MCU: variants seen among roughly 807,000 people sequenced by gnomAD.
MCU encodes mitochondrial calcium uniporter.
In MCU, 12 loss-of-function variants were observed where a neutral mutation model predicts 45.2. The ratio of observed to expected loss-of-function variants is 0.27; its 90% CI spans 0.17 to 0.43. The LOEUF (loss-of-function observed/expected upper bound fraction) is 0.43. Among genes scored for constraint, MCU ranks in the 20% least tolerant of loss-of-function variants. The pLI, the probability that MCU is intolerant of heterozygous loss-of-function variation, is 1.00. For synonymous variants in MCU, 160 were observed against 165.1 expected, an observed-to-expected ratio of 0.97 and a Z score of 0.24; for missense variants, 324 against 436.7, an observed-to-expected ratio of 0.74 and a Z score of 2.30.
intron 1 of MCU, among the ~76,000 whole-genome samples, chr10:72,749,809 C>T (rs902098471): frequency 6.6e-6 from 1 of 152,098 alleles, no homozygotes; most frequent in Non-Finnish European, 1.5e-5. Flanking sequence ...CTCTGTTGCC[C>T]AGGCTGGAGT....
intron 4 of MCU, among the ~76,000 whole-genome samples, chr10:72,866,553 C>T (rs551856762): frequency 2.0e-5 from 3 of 152,182 alleles, no homozygotes; most frequent in South Asian, 2.1e-4. Context: ...TGCACCACCA[C>T]GCCCAGCTAA....
intron 2 of MCU, among the ~76,000 whole-genome samples, chr10:72,839,332 T>C (rs1396902471): frequency 1.3e-5 from 2 of 152,084 alleles, no homozygotes; most frequent in African/African-American, 4.8e-5. Context: ...TGTCAGTTGA[T>C]AGGGTAGCAA....
intron 1 of MCU, among the ~76,000 whole-genome samples, chr10:72,776,939 G>T (rs1051246810): frequency 1.3e-5 from 2 of 152,026 alleles, no homozygotes; most frequent in African/African-American, 4.8e-5. Context: ...ATCTGAAAAA[G>T]AAATCAAGAA....
chr10:72,837,397 T>G (rs148628460), intron 2 of MCU, among the ~76,000 whole-genome samples: 8 of 152,264 alleles, frequency 5.3e-5, no homozygotes, highest in African/African-American at 1.9e-4. Context: ...TGCTTAAATG[T>G]TTAGAGTGTA....
chr10:72,848,857 T>C (rs559382726), intron 2 of MCU, among the ~76,000 whole-genome samples: 4 of 152,028 alleles, frequency 2.6e-5, no homozygotes, highest in African/African-American at 7.2e-5. Flanking sequence ...GTGTGGAAAA[T>C]TGAACTGGAG....
chr10:72,871,295 T>G (rs1482458167), intron 5 of MCU, 82 bp from the exon 6 acceptor site: 9 of 1,246,476 alleles, frequency 7.2e-6, no homozygotes, highest in Non-Finnish European at 1.1e-5. Context: ...TGAGCCCTGT[T>G]TCTTTAGTGA....
intron 1 of MCU, among the ~76,000 whole-genome samples, chr10:72,827,357 A>C (rs1355560080): frequency 1.3e-5 from 2 of 152,224 alleles, no homozygotes; most frequent in African/African-American, 2.4e-5. Context: ...TTGTACCTAC[A>C]TCAGTCAAAA....
At chr10:72,797,850 A>G (rs1844275417) in intron 1 of MCU, among the ~76,000 whole-genome samples, 1 of 152,080 alleles carries the variant, frequency 6.6e-6, no homozygotes, top group Non-Finnish European at 1.5e-5. Context: ...AGCATAAACC[A>G]CAGTTACTTT....
At chr10:72,759,824 T>G (rs1346497487) in intron 1 of MCU, among the ~76,000 whole-genome samples, 1 of 152,048 alleles carries the variant, frequency 6.6e-6, no homozygotes, top group Non-Finnish European at 1.5e-5. Flanking sequence ...ATGCCAGAGC[T>G]CTTTCTCTCC....
intron 2 of MCU, among the ~76,000 whole-genome samples, chr10:72,838,881 GC>G (rs1845000965): frequency 6.6e-6 from 1 of 152,046 alleles, no homozygotes; most frequent in African/African-American, 2.4e-5. Flanking sequence ...ACATGCTCCA[GC>G]TTTTTTTGTT....
At chr10:72,843,652 T>A (rs529922026) in intron 2 of MCU, among the ~76,000 whole-genome samples, 1 of 152,310 alleles carries the variant, frequency 6.6e-6, no homozygotes, top group African/African-American at 2.4e-5. Flanking sequence ...TTTTAGCTCC[T>A]TTGGATAAAT....
intron 1 of MCU, among the ~76,000 whole-genome samples, chr10:72,824,635 C>T (rs1401253190): frequency 1.3e-5 from 2 of 152,004 alleles, no homozygotes; most frequent in African/African-American, 4.8e-5. Context: ...AAAAAGAATT[C>T]GAAAACAAAA....
chr10:72,781,377 C>T (rs1163984655), intron 1 of MCU, among the ~76,000 whole-genome samples: 4 of 152,334 alleles, frequency 2.6e-5, no homozygotes, highest in African/African-American at 9.6e-5. Context: ...TCTGCTACAG[C>T]CTACTCAGTA....
At chr10:72,696,006 A>T (rs1842681697) in intron 1 of MCU, among the ~76,000 whole-genome samples, 1 of 151,268 alleles carries the variant, frequency 6.6e-6, no homozygotes, top group Admixed American at 6.6e-5. Flanking sequence ...TACTAAAAAG[A>T]CAAAAATTAG....
At chr10:72,879,763 A>G (rs2132898237) in intron 6 of MCU, among the ~76,000 whole-genome samples, 1 of 152,300 alleles carries the variant, frequency 6.6e-6, no homozygotes, top group African/African-American at 2.4e-5. Context: ...ATGCAACAAC[A>G]GGCCGGGCTA....
intron 1 of MCU, among the ~76,000 whole-genome samples, chr10:72,786,861 A>C (rs1452696795): frequency 6.6e-6 from 1 of 152,216 alleles, no homozygotes; most frequent in East Asian, 1.9e-4. Flanking sequence ...CACTGGTAGA[A>C]TATTAGGTAT....
At chr10:72,799,783 T>TA (rs1491346812) in intron 1 of MCU, among the ~76,000 whole-genome samples, 5 of 152,218 alleles carry the variant, frequency 3.3e-5, no homozygotes, top group Non-Finnish European at 7.3e-5. Context: ...AACTTTTTTT[T>TA]ATGTCATTGG....
At chr10:72,758,883 A>G (rs1354636248) in intron 1 of MCU, among the ~76,000 whole-genome samples, 1 of 152,212 alleles carries the variant, frequency 6.6e-6, no homozygotes, top group East Asian at 1.9e-4. Flanking sequence ...ATTAATAAGT[A>G]GTGTGGAATA....
chr10:72,739,414 G>A (rs1843295138), intron 1 of MCU, among the ~76,000 whole-genome samples: 1 of 152,160 alleles, frequency 6.6e-6, no homozygotes, highest in African/African-American at 2.4e-5. Flanking sequence ...AGCTATAAAA[G>A]TCAGACTATA....
Sources: allele counts gnomAD v4.1 joint callset (sites outside exome capture counted in the v4.1 genomes callset), GRCh38; gene constraint gnomAD v4.1.1; transcripts MANE v1.5; gene names NCBI Gene and HGNC (gene_info 2026-07-23, HGNC 2026-07-21).